The following LINGO2 variants were observed in gnomAD, a reference collection of about 807,000 sequenced individuals.
LINGO2 encodes leucine rich repeat and Ig domain containing 2.
In LINGO2, 14 loss-of-function variants were observed where a neutral mutation model predicts 30.6. That is an observed-to-expected ratio of 0.46 (90% confidence interval 0.30 to 0.72). The LOEUF is 0.72. Among genes scored for constraint, LINGO2 ranks in the 30% least tolerant of loss-of-function variants. The pLI is 0.07. For synonymous variants in LINGO2, 317 were observed against 288.5 expected (o/e 1.10, Z -1.00); for missense variants, 729 against 751.7 (o/e 0.97, Z 0.35).
chr9:28,641,257 C>A lies in LINGO2; in HGVS notation c.-365+28943G>T, dbSNP rs376016111. ...TTCACCATGTTAGCCAGGATGGTCT[C>A]GATCTCCTGACCTCATGATCTGCTT... is the stretch of plus-strand genomic sequence containing the variant. On this transcript the variant is annotated intron_variant, in intron 1 of 5. Transcript: ENST00000379992. Among the ~76,000 whole-genome samples, 17 of 152,154 alleles carry A rather than the reference C, an allele frequency of 1.1e-4. No individual in the cohort carries two copies. In the East Asian group the frequency reaches 2.3e-3, roughly 21 times the overall value.
chr9:28,930,826 T>C, the LINGO2 span, among the ~76,000 whole-genome samples: 15 of 152,176 alleles, frequency 9.9e-5, no homozygotes, highest in African/African-American at 3.6e-4. The surrounding 1 kb of genome is among the most constrained non-coding windows in gnomAD (Gnocchi z 4.2). Flanking sequence ...AGTTCCCTTT[T>C]ACCAGGCTAA....
the LINGO2 span, among the ~76,000 whole-genome samples, chr9:28,903,090 T>C: frequency 0.03 from 4,522 of 149,898 alleles, 106 homozygotes; most frequent in Non-Finnish European, 0.044. Flanking sequence ...AAGGAAGAGC[T>C]TTTTTTTTGA....
the LINGO2 span, among the ~76,000 whole-genome samples, chr9:29,149,605 G>C: frequency 6.6e-6 from 1 of 151,908 alleles, no homozygotes; most frequent in East Asian, 2.0e-4. Context: ...TCCTAGGGAA[G>C]AGGTGAGTGA....
the LINGO2 span, among the ~76,000 whole-genome samples, chr9:28,862,029 A>T: frequency 6.6e-6 from 1 of 152,144 alleles, no homozygotes; most frequent in Admixed American, 6.6e-5. Context: ...ACATATTATC[A>T]TTAAAAACAT....
chr9:29,192,933 A>G, the LINGO2 span, among the ~76,000 whole-genome samples: 1 of 152,214 alleles, frequency 6.6e-6, no homozygotes, highest in Admixed American at 6.5e-5. Flanking sequence ...CAGGACTGAC[A>G]GGCGTTGTGG....
intron 3 of LINGO2, among the ~76,000 whole-genome samples, chr9:28,371,977 C>T (rs1820919281): frequency 6.6e-6 from 1 of 152,104 alleles, no homozygotes; most frequent in Non-Finnish European, 1.5e-5. Flanking sequence ...TGTTGAAGGT[C>T]AGCCAAACAA....
At chr9:28,400,487 G>C (rs1269443393) in intron 2 of LINGO2, among the ~76,000 whole-genome samples, 2 of 152,224 alleles carry the variant, frequency 1.3e-5, no homozygotes, top group Admixed American at 1.3e-4. Context: ...AAAAGACCTA[G>C]TTGTAAAACA....
At chr9:28,709,498 C>T in the LINGO2 span, among the ~76,000 whole-genome samples, 1 of 151,848 alleles carries the variant, frequency 6.6e-6, no homozygotes, top group Non-Finnish European at 1.5e-5. Flanking sequence ...ATATCTAAGG[C>T]CGTGTTCCAA....
At chr9:28,240,398 C>G (rs1821739345) in intron 4 of LINGO2, among the ~76,000 whole-genome samples, 1 of 152,032 alleles carries the variant, frequency 6.6e-6, no homozygotes, top group Non-Finnish European at 1.5e-5. Context: ...CTATAGTAAC[C>G]AAAACAGCAT....
chr9:29,124,643 C>T, the LINGO2 span, among the ~76,000 whole-genome samples: 1 of 151,932 alleles, frequency 6.6e-6, no homozygotes, highest in Non-Finnish European at 1.5e-5. Flanking sequence ...ATTTATGTGG[C>T]CATCAAACAT....
At chr9:28,912,659 T>C in the LINGO2 span, among the ~76,000 whole-genome samples, 3 of 152,164 alleles carry the variant, frequency 2.0e-5, no homozygotes, top group African/African-American at 4.8e-5. Flanking sequence ...ATAGTCTTCA[T>C]TGACATCATG....
At chr9:28,852,452 A>C in the LINGO2 span, among the ~76,000 whole-genome samples, 1 of 150,856 alleles carries the variant, frequency 6.6e-6, no homozygotes. Context: ...AACAGGTAAG[A>C]AATTTTATGG....
At chr9:27,947,385 GA>G (rs1364767807), downstream of LINGO2, among the ~76,000 whole-genome samples, 2 of 151,756 alleles carry the variant, frequency 1.3e-5, no homozygotes, top group African/African-American at 4.8e-5. Flanking sequence ...TCAGAGAGAG[GA>G]AAAAAAATCA....
the LINGO2 span, among the ~76,000 whole-genome samples, chr9:28,864,654 A>G: frequency 6.5e-4 from 36 of 55,578 alleles, no homozygotes; most frequent in East Asian, 0.016. Flanking sequence ...GCTCATGAAC[A>G]TAAGAGTCCT....
At chr9:29,111,712 T>G in the LINGO2 span, among the ~76,000 whole-genome samples, 2 of 151,562 alleles carry the variant, frequency 1.3e-5, no homozygotes, top group Non-Finnish European at 2.9e-5. Context: ...GCAGAATGAC[T>G]AGATGTCCAG....
intron 4 of LINGO2, among the ~76,000 whole-genome samples, chr9:28,246,967 T>C (rs918634952): frequency 6.6e-6 from 1 of 152,144 alleles, no homozygotes; most frequent in Non-Finnish European, 1.5e-5. Context: ...GACACTTCTT[T>C]AAAGAAGAAA....
At chr9:28,744,186 C>A in the LINGO2 span, among the ~76,000 whole-genome samples, 12 of 150,480 alleles carry the variant, frequency 8.0e-5, no homozygotes, top group African/African-American at 2.9e-4. Context: ...ATCTTTGGTT[C>A]TTTTTAATAC....
intron 4 of LINGO2, among the ~76,000 whole-genome samples, chr9:28,117,776 C>T (rs903113683): frequency 1.5e-4 from 23 of 149,578 alleles, no homozygotes; most frequent in East Asian, 4.0e-4. Context: ...GGCTCGCGGA[C>T]GGTGCGCACA....
At chr9:28,846,801 C>T in the LINGO2 span, among the ~76,000 whole-genome samples, 2 of 147,778 alleles carry the variant, frequency 1.4e-5, no homozygotes, top group Non-Finnish European at 3.0e-5. Context: ...GACCATGCTA[C>T]AGTAACAATG....
Sources: gnomAD v4.1 joint callset for allele counts (sites outside exome capture counted in the v4.1 genomes callset) on GRCh38, gnomAD v4.1.1 for gene constraint, Gnocchi (gnomAD v3.1) non-coding constraint, MANE v1.5 for transcripts, NCBI Gene and HGNC (gene_info 2026-07-23, HGNC 2026-07-21) for gene names.